ROBO2: variants seen among roughly 807,000 people sequenced by gnomAD.
The protein encoded by ROBO2 is roundabout guidance receptor 2.
In ROBO2, 53 loss-of-function variants were observed where a neutral mutation model predicts 160.8. The observed-to-expected ratio is 0.33, with a 90% CI of 0.26 to 0.41. The LOEUF (loss-of-function observed/expected upper bound fraction) is 0.41, where lower values mean the gene tolerates loss of function less well. Ranked by LOEUF, ROBO2 falls within the 10% of genes least tolerant of loss-of-function variation. The pLI is 1.00. For synonymous variants in ROBO2, 664 were observed against 611.7 expected (o/e 1.09, Z -1.26); for missense variants, 1,577 against 1,722.4 (o/e 0.92, Z 1.49).
chr3:76,192,422 TCTC>T (rs1702052032), intron 2 of ROBO2, among the ~76,000 whole-genome samples: 1 of 151,762 alleles, frequency 6.6e-6, no homozygotes, highest in African/African-American at 2.4e-5. Flanking sequence ...AAAAATAAAA[TCTC>T]CTTTCCTAGC....
chr3:77,467,587 G>GTATCATC (rs2082892668), intron 2 of ROBO2, among the ~76,000 whole-genome samples: 1 of 148,136 alleles, frequency 6.8e-6, no homozygotes. Flanking sequence ...CTATCTGTCT[G>GTATCATC]TATCTATCTA....
At chr3:76,399,202 C>T (rs1319703951) in intron 2 of ROBO2, among the ~76,000 whole-genome samples, 1 of 151,618 alleles carries the variant, frequency 6.6e-6, no homozygotes, top group Admixed American at 6.6e-5. Context: ...TTTAAAGATA[C>T]AGAGCTGTAA....
At chr3:75,992,532 T>A (rs1341004496) in intron 2 of ROBO2, among the ~76,000 whole-genome samples, 1 of 152,210 alleles carries the variant, frequency 6.6e-6, no homozygotes, top group Admixed American at 6.5e-5. Flanking sequence ...AGAAGTTTGC[T>A]GCATGGGTGG....
upstream of ROBO2, among the ~76,000 whole-genome samples, chr3:77,039,551 G>A (rs1169273874): frequency 6.6e-6 from 1 of 152,172 alleles, no homozygotes; most frequent in Non-Finnish European, 1.5e-5. Flanking sequence ...GAAGGAGTGG[G>A]CACCCGGGGG....
Position 77,424,034 on chromosome 3 carries a change from T to C in ROBO2, c.389-53380T>C, listed in dbSNP as rs59738569. Among the ~76,000 whole-genome samples, 6 of 152,284 alleles carry C rather than the reference T, an allele frequency of 3.9e-5. No individual in the cohort carries two copies. The East Asian group carries it at 9.7e-4, about 24-fold the overall frequency. Reference sequence around the variant, plus strand: ...TTTCCCCTTATTTTATAAATGAGAATACTGATGCTCAGAAAAATACCTTGA... The same window carrying C: ...TTTCCCCTTATTTTATAAATGAGAACACTGATGCTCAGAAAAATACCTTGA... On this transcript the variant is annotated intron_variant, in intron 2 of 25. Coordinates refer to ENST00000461745, the Ensembl canonical transcript of ROBO2.
chr3:76,869,140 G>C (rs2071699302), intron 2 of ROBO2, among the ~76,000 whole-genome samples: 1 of 152,032 alleles, frequency 6.6e-6, no homozygotes, highest in Non-Finnish European at 1.5e-5. Context: ...GGCACAGATT[G>C]CTCAGGGACC....
intron 2 of ROBO2, among the ~76,000 whole-genome samples, chr3:77,309,109 T>C (rs1369585020): frequency 6.6e-6 from 1 of 151,866 alleles, no homozygotes; most frequent in African/African-American, 2.4e-5. Flanking sequence ...TAATCCCAAG[T>C]AATTTCAATT....
chr3:76,463,124 G>A (rs573158685), intron 2 of ROBO2, among the ~76,000 whole-genome samples: 4 of 152,252 alleles, frequency 2.6e-5, no homozygotes, highest in East Asian at 1.9e-4. Context: ...GGCTGCTCCC[G>A]CTGGGAAAAC....
intron 2 of ROBO2, among the ~76,000 whole-genome samples, chr3:77,212,237 G>T (rs550970614): frequency 6.6e-6 from 1 of 151,982 alleles, no homozygotes; most frequent in East Asian, 1.9e-4. Context: ...TGTTTGTATC[G>T]TCTTTTATTT....
At chr3:76,785,882 T>A (rs1226667691) in intron 2 of ROBO2, among the ~76,000 whole-genome samples, 1 of 151,304 alleles carries the variant, frequency 6.6e-6, no homozygotes, top group African/African-American at 2.4e-5. Flanking sequence ...TCTGCTACAA[T>A]TGTTTCAAAA....
intron 2 of ROBO2, among the ~76,000 whole-genome samples, chr3:76,447,794 A>C (rs1031600125): frequency 6.6e-5 from 10 of 151,202 alleles, no homozygotes; most frequent in Non-Finnish European, 1.2e-4. Context: ...TCACAAGGAC[A>C]AAAAACCAAG....
chr3:77,017,610 C>A (rs920125181), intron 2 of ROBO2, among the ~76,000 whole-genome samples: 9 of 152,042 alleles, frequency 5.9e-5, no homozygotes, highest in African/African-American at 2.2e-4. Context: ...TAAATAATTT[C>A]TTTTAAAAAG....
At chr3:76,102,876 G>T (rs1275457078) in intron 2 of ROBO2, among the ~76,000 whole-genome samples, 1 of 151,202 alleles carries the variant, frequency 6.6e-6, no homozygotes, top group Non-Finnish European at 1.5e-5. Flanking sequence ...CCAGGCTGGT[G>T]TGCAGTGGTG....
chr3:76,706,330 G>A (rs2093162238), intron 2 of ROBO2, among the ~76,000 whole-genome samples: 1 of 151,986 alleles, frequency 6.6e-6, no homozygotes, highest in African/African-American at 2.4e-5. Context: ...AAAGTATTTG[G>A]TATTATTGAA....
intron 2 of ROBO2, among the ~76,000 whole-genome samples, chr3:76,248,046 C>A (rs367978214): frequency 1.3e-5 from 2 of 151,904 alleles, no homozygotes; most frequent in African/African-American, 2.4e-5. Context: ...GTTGGTGGGA[C>A]TGTAAACTAG....
chr3:76,155,509 A>C (rs1247478712), intron 2 of ROBO2, among the ~76,000 whole-genome samples: 3 of 152,192 alleles, frequency 2.0e-5, no homozygotes, highest in African/African-American at 7.2e-5. Flanking sequence ...TCAGGTGATA[A>C]ATCGATTTAA....
chr3:76,084,591 C>A (rs2068944984), intron 2 of ROBO2, among the ~76,000 whole-genome samples: 2 of 152,022 alleles, frequency 1.3e-5, no homozygotes, highest in Admixed American at 6.6e-5. Context: ...CTGTACTGAC[C>A]CGAATTTGGC....
intron 2 of ROBO2, among the ~76,000 whole-genome samples, chr3:76,056,851 TGTA>T (rs1386406699): frequency 6.6e-6 from 1 of 152,218 alleles, no homozygotes; most frequent in Non-Finnish European, 1.5e-5. Context: ...TAATGTCAGA[TGTA>T]GTAAATTGCA....
At chr3:77,221,476 G>C (rs1211829040) in intron 2 of ROBO2, among the ~76,000 whole-genome samples, 1 of 152,116 alleles carries the variant, frequency 6.6e-6, no homozygotes, top group African/African-American at 2.4e-5. Flanking sequence ...TGGGATTCAG[G>C]CTCAATCCAG....
Sources: gnomAD v4.1 joint callset for allele counts (sites outside exome capture counted in the v4.1 genomes callset) on GRCh38, gnomAD v4.1.1 for gene constraint, MANE v1.5 for transcripts, NCBI Gene and HGNC (gene_info 2026-07-23, HGNC 2026-07-21) for gene names.